SSBP3: variants seen among roughly 807,000 people sequenced by gnomAD.
SSBP3 encodes the protein single-stranded DNA-binding protein 3.
SSBP3 carries 5 observed loss-of-function variants against 69.6 expected under a neutral mutation model. That is an observed-to-expected ratio of 0.07 (90% confidence interval 0.04 to 0.15). The LOEUF is 0.15. Among genes scored for constraint, SSBP3 ranks in the 10% least tolerant of loss-of-function variants. The pLI, the probability that SSBP3 is intolerant of heterozygous loss-of-function variation, is 1.00. For synonymous variants in SSBP3, 196 were observed against 193.4 expected (o/e 1.01, Z -0.11); for missense variants, 312 against 534.0 (o/e 0.58, Z 4.10).
chr1:54,305,255 G>A lies in SSBP3; in HGVS notation c.277-23728C>T, dbSNP rs140942181. On this transcript the variant is annotated intron_variant, in intron 4 of 17. Coordinates refer to ENST00000610401, the Ensembl canonical transcript of SSBP3. ...ACATTCAGTAGCTGTGAGTTTCTCAGCACAGACCCAGGCCCTGCCCTTCCC... is the reference window on the plus strand; with the variant it reads ...ACATTCAGTAGCTGTGAGTTTCTCAACACAGACCCAGGCCCTGCCCTTCCC... 8.6e-3 allele frequency among the ~76,000 whole-genome samples: 1,316 copies of A among 152,300 alleles called. 11 individuals carry two copies. The highest frequency in any genetic ancestry group is 0.01 in the Middle Eastern group (3 of 294).
intron 4 of SSBP3, among the ~76,000 whole-genome samples, chr1:54,312,852 C>T (rs1307142330): frequency 3.9e-5 from 6 of 152,114 alleles, no homozygotes; most frequent in Non-Finnish European, 8.8e-5. Context: ...GCTCCCCCTC[C>T]AGTGGGGGTT....
At chr1:54,360,918 T>C (rs930201612) in intron 4 of SSBP3, among the ~76,000 whole-genome samples, 8 of 137,452 alleles carry the variant, frequency 5.8e-5, no homozygotes, top group Non-Finnish European at 1.3e-4. Context: ...TGTCTCTACT[T>C]AAAAAAAAAA....
intron 4 of SSBP3, among the ~76,000 whole-genome samples, chr1:54,344,548 C>T (rs141578861): frequency 1.4e-3 from 213 of 152,262 alleles, no homozygotes; most frequent in Non-Finnish European, 2.3e-3. Flanking sequence ...GCTCTGCTTC[C>T]CCGTGATGAC....
At chr1:54,269,527 G>C (rs963406724) in intron 5 of SSBP3, among the ~76,000 whole-genome samples, 1 of 152,214 alleles carries the variant, frequency 6.6e-6, no homozygotes, top group Non-Finnish European at 1.5e-5. Flanking sequence ...CTTGGGATTG[G>C]CTATTACAAT....
intron 5 of SSBP3, among the ~76,000 whole-genome samples, chr1:54,262,922 C>T (rs934475643): frequency 2.0e-5 from 3 of 152,226 alleles, no homozygotes; most frequent in Non-Finnish European, 4.4e-5. Flanking sequence ...TTCCAGCTGC[C>T]CTGGACCCTG....
At chr1:54,345,997 A>C (rs1313435128) in intron 4 of SSBP3, among the ~76,000 whole-genome samples, 1 of 151,422 alleles carries the variant, frequency 6.6e-6, no homozygotes, top group Non-Finnish European at 1.5e-5. Context: ...AAAAAAAAAA[A>C]AACAAAACAA....
chr1:54,381,894 T>A (rs1647682851), intron 4 of SSBP3, among the ~76,000 whole-genome samples: 1 of 152,242 alleles, frequency 6.6e-6, no homozygotes, highest in African/African-American at 2.4e-5. Flanking sequence ...ATATCTTATA[T>A]TTTAAGATGT....
intron 4 of SSBP3, among the ~76,000 whole-genome samples, chr1:54,345,726 G>A (rs1646677862): frequency 6.6e-6 from 1 of 152,148 alleles, no homozygotes; most frequent in African/African-American, 2.4e-5. Flanking sequence ...GAAGATTACT[G>A]TACTGAGGCT....
intron 14 of SSBP3, among the ~76,000 whole-genome samples, chr1:54,234,815 G>A (rs1484985330): frequency 1.3e-5 from 2 of 151,216 alleles, no homozygotes; most frequent in South Asian, 4.2e-4. Flanking sequence ...CCAGGCTGGA[G>A]TGCAGTGGCA....
intron 4 of SSBP3, among the ~76,000 whole-genome samples, chr1:54,385,800 T>C (rs1353210725): frequency 6.6e-6 from 1 of 152,144 alleles, no homozygotes; most frequent in Non-Finnish European, 1.5e-5. Flanking sequence ...ACACTGAGGC[T>C]CAGAGGTTAA....
At chr1:54,294,552 G>A (rs528761264) in intron 4 of SSBP3, among the ~76,000 whole-genome samples, 2 of 152,266 alleles carry the variant, frequency 1.3e-5, no homozygotes, top group South Asian at 2.1e-4. Context: ...GAGGGAGTGG[G>A]GTGGCCTCAC....
At chr1:54,297,625 T>C (rs957031339) in intron 4 of SSBP3, among the ~76,000 whole-genome samples, 7 of 152,112 alleles carry the variant, frequency 4.6e-5, no homozygotes, top group Non-Finnish European at 1.0e-4. Flanking sequence ...AGTGAGACTT[T>C]GTCTCAAAAA....
At chr1:54,338,526 T>A (rs1283734720) in intron 4 of SSBP3, among the ~76,000 whole-genome samples, 1 of 152,172 alleles carries the variant, frequency 6.6e-6, no homozygotes, top group African/African-American at 2.4e-5. Context: ...CTGAAGAGAA[T>A]GGAAAATCTC....
chr1:54,229,571 G>C (rs966597309), intron 14 of SSBP3, among the ~76,000 whole-genome samples: 2 of 152,106 alleles, frequency 1.3e-5, no homozygotes, highest in African/African-American at 4.8e-5. Context: ...ATGAGGGCTT[G>C]GAGATAAGAG....
intron 14 of SSBP3, chr1:54,238,262 A>G (rs1335331627): frequency 2.1e-6 from 1 of 470,906 alleles, no homozygotes; most frequent in Non-Finnish European, 4.4e-6. Context: ...ACAAAACCAG[A>G]GTGCCCCAAA....
chr1:54,316,740 T>C (rs189345458), intron 4 of SSBP3, among the ~76,000 whole-genome samples: 1 of 150,592 alleles, frequency 6.6e-6, no homozygotes. Flanking sequence ...AAAAATGTCT[T>C]AGTCTGTTCT....
chr1:54,238,756 G>A, intron 14 of SSBP3: 1 of 332,938 alleles, frequency 3.0e-6, no homozygotes, highest in Non-Finnish European at 6.0e-6. Context: ...CATAGCCCCA[G>A]AAACAGACCC....
intron 14 of SSBP3, among the ~76,000 whole-genome samples, chr1:54,231,171 A>G (rs1428543600): frequency 1.3e-5 from 2 of 152,220 alleles, no homozygotes; most frequent in African/African-American, 4.8e-5. Flanking sequence ...GCAGTGTCTG[A>G]GAGTTCCAAT....
In SSBP3 at chr1:54,258,535, A is replaced by C. The variant is rs1439790059; in HGVS notation, c.367-386T>G. ...CACAGACACAGGGACCCAGGTGCAA[A>C]GCACGTAGGTGCCGCTTGCACGGGA... On this transcript the variant is annotated intron_variant, in intron 5 of 17. Transcript: ENST00000610401. This position sits in a 1 kb window ranked among gnomAD's most constrained non-coding sequence, Gnocchi z 4.5. 6.6e-6 allele frequency among the ~76,000 whole-genome samples: 1 copy of C among 152,210 alleles called. No individual in the cohort carries two copies. Among genetic ancestry groups the C allele is most frequent in the Non-Finnish European group, 1.5e-5 (1 of 68,038 alleles).
Sources: gnomAD v4.1 joint callset for allele counts (sites outside exome capture counted in the v4.1 genomes callset) on GRCh38, gnomAD v4.1.1 for gene constraint, Gnocchi (gnomAD v3.1) non-coding constraint, MANE v1.5 for transcripts, NCBI Gene and HGNC (gene_info 2026-07-23, HGNC 2026-07-21) for gene names.